Variants in TRAK1 observed in about 807,000 individuals in gnomAD.
The protein encoded by TRAK1 is trafficking kinesin protein 1, also known as trafficking kinesin-binding protein 1.
Under a neutral mutation model 92.1 loss-of-function variants are expected in TRAK1, and 33 were observed. That is an observed-to-expected ratio of 0.36 (90% CI 0.27 to 0.48). The LOEUF is 0.48. TRAK1 is among the 20% of genes least tolerant of loss of function. TRAK1 has a pLI of 0.99. For missense variants in TRAK1, 1,123 were observed against 1,257.9 expected (o/e 0.89, Z 1.62); for synonymous variants, 521 against 517.3 (o/e 1.01, Z -0.10).
intron 13 of TRAK1, chr3:42,203,494 CTTTTT>C (rs34602604): frequency 0.031 from 28,765 of 919,386 alleles, 1 homozygote; most frequent in East Asian, 0.042. Context: ...CCTCCTGCCT[CTTTTT>C]TTTTTTTTTT....
chr3:42,203,189 T>G, intron 13 of TRAK1: 1 of 1,114,592 alleles, frequency 9.0e-7, no homozygotes, highest in East Asian at 4.6e-5. Context: ...AAGCAAACTC[T>G]ATTAAATGGG....
intron 1 of TRAK1, among the ~76,000 whole-genome samples, chr3:42,057,907 A>G (rs1373705664): frequency 6.6e-6 from 1 of 152,262 alleles, no homozygotes; most frequent in Non-Finnish European, 1.5e-5. Context: ...AGAAAATACA[A>G]CCAACTGAAA....
In TRAK1 at chr3:42,191,545, G is replaced by A; in HGVS notation, c.691-13G>A. On this transcript the variant is annotated splice_polypyrimidine_tract_variant and intron_variant, in intron 6 of 15. Coordinates refer to ENST00000327628, the MANE Select transcript of TRAK1 (RefSeq NM_001042646.3). ...TGAGAATGTGGGGCCTCTGACCTGG[G>A]TCTTGTCTACAGGCCAGCCAGCTGA... 4 of 1,580,872 alleles carry A rather than the reference G, an allele frequency of 2.5e-6. No homozygotes were observed. The highest frequency in any genetic ancestry group is 3.4e-6 in the Non-Finnish European group (4 of 1,162,640).
intron 2 of TRAK1, among the ~76,000 whole-genome samples, chr3:42,139,475 G>A (rs1407717106): frequency 1.3e-5 from 2 of 152,130 alleles, no homozygotes; most frequent in African/African-American, 2.4e-5. Context: ...GAGGGTGCCC[G>A]TCTTGGGGAA....
intron 1 of TRAK1, among the ~76,000 whole-genome samples, chr3:42,116,603 T>G (rs561442469): frequency 6.6e-6 from 1 of 152,232 alleles, no homozygotes; most frequent in South Asian, 2.1e-4. Flanking sequence ...AGTGGCTGAG[T>G]AGGTGAGGAG....
intron 2 of TRAK1, among the ~76,000 whole-genome samples, chr3:42,170,538 C>T (rs1702409652): frequency 6.6e-6 from 1 of 152,156 alleles, no homozygotes; most frequent in Non-Finnish European, 1.5e-5. Context: ...CACCTAAGTA[C>T]CAGCTCTGTT....
At chr3:42,063,425 C>G (rs2148928434) in intron 1 of TRAK1, among the ~76,000 whole-genome samples, 1 of 152,294 alleles carries the variant, frequency 6.6e-6, no homozygotes, top group African/African-American at 2.4e-5. Context: ...GTGGCTTGTG[C>G]CTGTAATCCC....
chr3:42,180,677 C>CAAAAAA (rs33959095), intron 3 of TRAK1, among the ~76,000 whole-genome samples: 10 of 87,042 alleles, frequency 1.1e-4, no homozygotes, highest in East Asian at 6.2e-4. Context: ...AGACCTGTCT[C>CAAAAAA]AAAAAAAAAA....
intron 1 of TRAK1, among the ~76,000 whole-genome samples, chr3:42,120,969 A>G (rs1437616373): frequency 6.6e-6 from 1 of 152,196 alleles, no homozygotes; most frequent in Non-Finnish European, 1.5e-5. Context: ...AAACTTCCTG[A>G]TGATGACATC....
chr3:42,096,848 G>C (rs2148994515), intron 1 of TRAK1, among the ~76,000 whole-genome samples: 1 of 152,340 alleles, frequency 6.6e-6, no homozygotes, highest in Admixed American at 6.5e-5. Context: ...GGTGCCTCAA[G>C]CACCATTCCT....
At chr3:42,070,761 T>G (rs1278260185) in intron 1 of TRAK1, among the ~76,000 whole-genome samples, 1 of 152,238 alleles carries the variant, frequency 6.6e-6, no homozygotes, top group Non-Finnish European at 1.5e-5. Flanking sequence ...ACAGAAGGTG[T>G]GGCACAGTAG....
chr3:42,144,786 T>TA (rs1441387169), intron 2 of TRAK1, among the ~76,000 whole-genome samples: 1 of 151,836 alleles, frequency 6.6e-6, no homozygotes, highest in Non-Finnish European at 1.5e-5. Context: ...TTGTTTCTGT[T>TA]ACATATAAAA....
chr3:42,114,135 C>A (rs1288149725), intron 1 of TRAK1, among the ~76,000 whole-genome samples: 1 of 152,182 alleles, frequency 6.6e-6, no homozygotes, highest in African/African-American at 2.4e-5. Context: ...TTTCAAGGTT[C>A]ACCATGTTGC....
chr3:42,072,374 C>G (rs926900252), intron 1 of TRAK1, among the ~76,000 whole-genome samples: 1 of 148,868 alleles, frequency 6.7e-6, no homozygotes, highest in East Asian at 1.9e-4. Context: ...CCGGAAAGCT[C>G]TGCTCGTAAA....
chr3:42,223,739 G>T lies in TRAK1; in HGVS notation c.*2G>T, dbSNP rs1710582280. ...TCCAAACAAACTAGCTTACGGTGAG[G>T]ACTGGAGGGGGGCCGGTTGCCCTAG... On this transcript the variant is annotated 3_prime_UTR_variant, in exon 16 of 16. Transcript: ENST00000327628. The surrounding 1 kb of genome is among the most constrained non-coding windows in gnomAD (Gnocchi z 6.1). 1.3e-6 allele frequency: 2 copies of T among 1,597,786 alleles called. No homozygotes were observed. The highest frequency in any genetic ancestry group is 2.2e-5 in the South Asian group (2 of 90,084).
intron 2 of TRAK1, among the ~76,000 whole-genome samples, chr3:42,143,106 C>T (rs1027009322): frequency 8.5e-5 from 13 of 152,184 alleles, no homozygotes; most frequent in African/African-American, 2.9e-4. Flanking sequence ...GAGGGCTGTC[C>T]TTGTTGAGCC....
intron 1 of TRAK1, among the ~76,000 whole-genome samples, chr3:42,121,366 T>G (rs1694672332): frequency 2.0e-5 from 3 of 151,570 alleles, no homozygotes; most frequent in Admixed American, 2.0e-4. Flanking sequence ...TTCACACCAT[T>G]CTCCTGCCTC....
intron 1 of TRAK1, among the ~76,000 whole-genome samples, chr3:42,096,657 G>A (rs764759023): frequency 3.3e-5 from 5 of 152,258 alleles, no homozygotes; most frequent in African/African-American, 2.4e-5. Context: ...CTGAGGGGAC[G>A]TGGCCTCATT....
intron 2 of TRAK1, among the ~76,000 whole-genome samples, chr3:42,144,137 G>T (rs901145742): frequency 1.4e-4 from 22 of 152,154 alleles, no homozygotes; most frequent in Admixed American, 1.2e-3. Context: ...GCTCATTACT[G>T]TGAACTCAGT....
Sources: allele counts gnomAD v4.1 joint callset (sites outside exome capture counted in the v4.1 genomes callset), GRCh38; gene constraint gnomAD v4.1.1; non-coding constraint Gnocchi (gnomAD v3.1); transcripts MANE v1.5; gene names NCBI Gene and HGNC (gene_info 2026-07-23, HGNC 2026-07-21).